CIMIP6: variants seen among roughly 807,000 people sequenced by gnomAD.
CIMIP6 encodes uncharacterized protein C2orf73.
At chr2:54,380,197 A>G in the CIMIP6 span, among the ~76,000 whole-genome samples, 1 of 152,130 alleles carries the variant, frequency 6.6e-6, no homozygotes, top group Non-Finnish European at 1.5e-5. Flanking sequence ...TGTGCCTCCT[A>G]TATGCTCAGT....
At chr2:54,376,927 T>C in the CIMIP6 span, among the ~76,000 whole-genome samples, 5 of 152,238 alleles carry the variant, frequency 3.3e-5, no homozygotes, top group East Asian at 9.6e-4. Flanking sequence ...CCAGGATCAC[T>C]GTGAAGTTCA....
At chr2:54,376,592 G>T in the CIMIP6 span, among the ~76,000 whole-genome samples, 1 of 152,154 alleles carries the variant, frequency 6.6e-6, no homozygotes, top group Non-Finnish European at 1.5e-5. Context: ...TTATTCCCAT[G>T]GACATAAATC....
chr2:54,350,458 C>T, the CIMIP6 span, among the ~76,000 whole-genome samples: 1 of 152,132 alleles, frequency 6.6e-6, no homozygotes, highest in Non-Finnish European at 1.5e-5. Flanking sequence ...AATGACTGGG[C>T]CTCTCCTTCT....
the CIMIP6 span, among the ~76,000 whole-genome samples, chr2:54,345,760 T>A: frequency 6.6e-6 from 1 of 152,258 alleles, no homozygotes; most frequent in African/African-American, 2.4e-5. Flanking sequence ...TAAAATGCAT[T>A]AAAAGGGTCT....
the CIMIP6 span, among the ~76,000 whole-genome samples, chr2:54,333,192 A>G: frequency 6.6e-6 from 1 of 152,258 alleles, no homozygotes; most frequent in Non-Finnish European, 1.5e-5. Flanking sequence ...GGATATTTGT[A>G]GTGCTTACTA....
At chr2:54,357,826 C>A in the CIMIP6 span, among the ~76,000 whole-genome samples, 1 of 151,264 alleles carries the variant, frequency 6.6e-6, no homozygotes, top group African/African-American at 2.4e-5. Context: ...ACCTTGTGAT[C>A]TGCCTGCCTC....
chr2:54,358,512 C>G, the CIMIP6 span, among the ~76,000 whole-genome samples: 1 of 152,072 alleles, frequency 6.6e-6, no homozygotes, highest in South Asian at 2.1e-4. Flanking sequence ...AGCGATCCTC[C>G]CACCTCAGCC....
At chr2:54,338,290 C>T in the CIMIP6 span, among the ~76,000 whole-genome samples, 1 of 152,024 alleles carries the variant, frequency 6.6e-6, no homozygotes, top group Non-Finnish European at 1.5e-5. Flanking sequence ...AAATAAATAG[C>T]CAGGTGTGGT....
the CIMIP6 span, among the ~76,000 whole-genome samples, chr2:54,359,597 C>CAAG: frequency 6.7e-6 from 1 of 149,108 alleles, no homozygotes; most frequent in Non-Finnish European, 1.5e-5. Flanking sequence ...TTTCTAATAA[C>CAAG]AATAATAATA....
At chr2:54,334,638 A>G in the CIMIP6 span, among the ~76,000 whole-genome samples, 1 of 152,222 alleles carries the variant, frequency 6.6e-6, no homozygotes, top group Non-Finnish European at 1.5e-5. Flanking sequence ...TATCGCTTAT[A>G]TGATTTAGAA....
the CIMIP6 span, among the ~76,000 whole-genome samples, chr2:54,376,208 A>AC: frequency 7.9e-6 from 1 of 126,184 alleles, no homozygotes; most frequent in East Asian, 3.1e-4. Context: ...GCTGATTTCT[A>AC]CCTTTTTTTT....
the CIMIP6 span, among the ~76,000 whole-genome samples, chr2:54,367,725 G>A: frequency 9.9e-5 from 15 of 152,202 alleles, no homozygotes; most frequent in Non-Finnish European, 2.9e-5. Context: ...CTTTTGGTCA[G>A]TAAAATATAT....
chr2:54,382,294 A>G, the CIMIP6 span, among the ~76,000 whole-genome samples: 11 of 152,368 alleles, frequency 7.2e-5, no homozygotes, highest in Non-Finnish European at 1.0e-4. Flanking sequence ...GAACAATAAA[A>G]CTGAGCCAGT....
the CIMIP6 span, among the ~76,000 whole-genome samples, chr2:54,338,767 G>A: frequency 5.3e-4 from 40 of 75,154 alleles, 16 homozygotes; most frequent in African/African-American, 1.8e-3. Context: ...TTAAGATTTC[G>A]TACATTTCTA....
chr2:54,337,372 TTGCTTA>T, the CIMIP6 span, among the ~76,000 whole-genome samples: 2 of 152,224 alleles, frequency 1.3e-5, no homozygotes, highest in Non-Finnish European at 2.9e-5. Context: ...TTTTGTACAC[TTGCTTA>T]TGCTCTCGTA....
the CIMIP6 span, among the ~76,000 whole-genome samples, chr2:54,382,195 TG>T: frequency 6.6e-6 from 1 of 152,196 alleles, no homozygotes; most frequent in African/African-American, 2.4e-5. Context: ...CAGTACCATT[TG>T]GGTACTCAAT....
chr2:54,341,650 T>C, the CIMIP6 span, among the ~76,000 whole-genome samples: 1 of 151,960 alleles, frequency 6.6e-6, no homozygotes, highest in South Asian at 2.1e-4. Flanking sequence ...CACAAAGAGG[T>C]TGGGGTTTGA....
the CIMIP6 span, among the ~76,000 whole-genome samples, chr2:54,362,628 A>G: frequency 0.016 from 2,378 of 152,248 alleles, 70 homozygotes; most frequent in African/African-American, 0.053. Flanking sequence ...GCTCACTGCA[A>G]TCTCCACCTC....
chr2:54,359,081 C>G, the CIMIP6 span: 4 of 1,395,980 alleles, frequency 2.9e-6, no homozygotes, highest in Non-Finnish European at 2.0e-6. Context: ...AAAGGTGAGG[C>G]AGTATTTAGA....
Sources: allele counts gnomAD v4.1 joint callset (sites outside exome capture counted in the v4.1 genomes callset), GRCh38; gene constraint gnomAD v4.1.1; transcripts MANE v1.5; gene names NCBI Gene and HGNC (gene_info 2026-07-23, HGNC 2026-07-21).